CYP20A1: variants seen among roughly 807,000 people sequenced by gnomAD.
CYP20A1 encodes the protein cytochrome P450 family 20 subfamily A member 1, also known as cytochrome P450 20A1.
CYP20A1 carries 61 observed loss-of-function variants against 61.4 expected under a neutral mutation model. The ratio of observed to expected loss-of-function variants is 0.99; its 90% CI spans 0.81 to 1.23. The LOEUF is 1.23. CYP20A1 is among the 50% of genes most tolerant of loss of function. CYP20A1 has a pLI of 0.00. For synonymous variants in CYP20A1, 193 were observed against 188.2 expected (o/e 1.03, Z -0.21); for missense variants, 530 against 542.4 (o/e 0.98, Z 0.23).
intron 4 of CYP20A1, 95 bp downstream of exon 4, chr2:203,252,204 C>A: frequency 1.1e-6 from 1 of 923,924 alleles, no homozygotes; most frequent in South Asian, 3.4e-5. Context: ...TTACTCTTTT[C>A]TTTCCTGTCC....
At chr2:203,288,193 G>A (rs1215496457) in intron 9 of CYP20A1, among the ~76,000 whole-genome samples, 2 of 149,770 alleles carry the variant, frequency 1.3e-5, no homozygotes, top group Non-Finnish European at 1.5e-5. Context: ...AGCTTTCCAA[G>A]TAGTTGGAAT....
intron 9 of CYP20A1, among the ~76,000 whole-genome samples, chr2:203,287,986 G>A (rs1220098617): frequency 7.3e-6 from 1 of 137,672 alleles, no homozygotes; most frequent in Admixed American, 7.3e-5. Context: ...GTGGTGGTTT[G>A]AGTTTTTCTT....
chr2:203,289,533 T>C (rs1321241195), intron 9 of CYP20A1, among the ~76,000 whole-genome samples: 1 of 151,964 alleles, frequency 6.6e-6, no homozygotes, highest in African/African-American at 2.4e-5. Context: ...CCTAGAGTTA[T>C]ATACAGATTT....
chr2:203,245,820 A>G, intron 1 of CYP20A1, 26 bp from the exon 2 acceptor site: 1 of 1,493,356 alleles, frequency 6.7e-7, no homozygotes. Context: ...ATGATAATTC[A>G]TTATTATAAA....
Position 203,255,831 on chromosome 2 carries a change from C to A in CYP20A1, c.432+3722C>A, listed in dbSNP as rs536826462. Among the ~76,000 whole-genome samples, 5 of 152,282 alleles carry A rather than the reference C, an allele frequency of 3.3e-5. No individual in the cohort carries two copies. In the South Asian group the frequency reaches 1.0e-3, roughly 32 times the overall value. ...GGGCCTGTCTATGCTATTCCCATTG[C>A]GTGGAATGCACCTCCAGTCATCCAC... is the stretch of plus-strand genomic sequence containing the variant. On this transcript the variant is annotated intron_variant, in intron 4 of 12. Transcript: ENST00000356079.
At chr2:203,243,590 G>A (rs2066338143) in intron 1 of CYP20A1, among the ~76,000 whole-genome samples, 1 of 151,628 alleles carries the variant, frequency 6.6e-6, no homozygotes, top group South Asian at 2.1e-4. Context: ...CAACATGTAT[G>A]CCAGGCTGAT....
chr2:203,282,878 T>G (rs915591736), intron 8 of CYP20A1, among the ~76,000 whole-genome samples: 1 of 152,212 alleles, frequency 6.6e-6, no homozygotes, highest in Non-Finnish European at 1.5e-5. Context: ...TCTGATTCAG[T>G]ATTGTATTTA....
intron 4 of CYP20A1, among the ~76,000 whole-genome samples, chr2:203,264,523 T>C (rs2067253228): frequency 1.3e-5 from 2 of 152,128 alleles, no homozygotes; most frequent in Admixed American, 6.5e-5. Flanking sequence ...CTCTCTGTCA[T>C]CATAATTGGA....
At chr2:203,245,202 A>G (rs1044781150) in intron 1 of CYP20A1, among the ~76,000 whole-genome samples, 1 of 149,518 alleles carries the variant, frequency 6.7e-6, no homozygotes, top group Non-Finnish European at 1.5e-5. Context: ...AATTTTTTAT[A>G]TTTTTAGTAG....
Position 203,300,891 on chromosome 2 carries a change from G to GAA in CYP20A1, c.*4004_*4005dup, listed in dbSNP as rs1163039964. On this transcript the variant is annotated 3_prime_UTR_variant, in exon 13 of 13. Transcript: ENST00000356079. ...GCAATAAGAGCAAAACTCCGTCTCAGAAAAAAAAAAAAAAAAAAAAAACGG... is the reference window on the plus strand; with the variant it reads ...GCAATAAGAGCAAAACTCCGTCTCAGAAAAAAAAAAAAAAAAAAAAAAAACGG... 4.9e-4 allele frequency among the ~76,000 whole-genome samples: 18 copies of GAA among 36,972 alleles called. No individual in the cohort carries two copies. Among genetic ancestry groups the GAA allele is most frequent in the East Asian group, 1.9e-3 (2 of 1,066 alleles). The allele number at this position is 36,972 out of a possible 152,430, so 24.3% of individuals were successfully genotyped here.
chr2:203,301,928 T>G lies in CYP20A1; in HGVS notation c.*5020T>G, dbSNP rs975972537. ...CTGTTAAGATTCTTTTTTTTTTTTT[T>G]TTTTTTTTGTTTTGAGACTGAGTCC... On this transcript the variant is annotated 3_prime_UTR_variant, in exon 13 of 13. Coordinates refer to ENST00000356079, the MANE Select transcript of CYP20A1 (RefSeq NM_177538.3). 1.4e-5 allele frequency among the ~76,000 whole-genome samples: 2 copies of G among 144,836 alleles called. No homozygotes were observed. The highest frequency in any genetic ancestry group is 3.0e-5 in the Non-Finnish European group (2 of 66,112).
chr2:203,296,877 A>C lies in CYP20A1; in HGVS notation c.1358A>C (p.Glu453Ala). ...KYELVTSSREEAWITVSKRY is the reference protein window; with the variant it reads ...KYELVTSSREAAWITVSKRY ...GAACTGGTAACATCATCAAGGGAAG[A>C]AGCTTGGATCACTGTCTCAAAGAGA... The change falls in exon 13 of 13, where the codon GAA (glutamate) becomes GCA (alanine). Residue 453 changes from glutamate to alanine, a missense_variant. Glu to Ala is a moderately radical substitution (Grantham distance 107). Coordinates refer to ENST00000356079, the MANE Select transcript of CYP20A1 (RefSeq NM_177538.3). The C allele has an allele frequency of 6.2e-7, 1 of 1,602,620 alleles. No homozygotes were observed. Among genetic ancestry groups the C allele is most frequent in the African/African-American group, 1.3e-5 (1 of 74,436 alleles).
rs6435182 is a variant in CYP20A1, at chr2:203,304,551, G to T, written c.*7643G>T. On this transcript the variant is annotated 3_prime_UTR_variant, in exon 13 of 13. Coordinates refer to ENST00000356079, the MANE Select transcript of CYP20A1 (RefSeq NM_177538.3). ...ATGCTACCAACCTAAACACATTTCTGTGACTGTTTATATTTTTCCCTGTTC... is the reference window on the plus strand; with the variant it reads ...ATGCTACCAACCTAAACACATTTCTTTGACTGTTTATATTTTTCCCTGTTC... Among the ~76,000 whole-genome samples, 1 of 151,810 alleles carries T rather than the reference G, an allele frequency of 6.6e-6. No individual in the cohort carries two copies. The highest frequency in any genetic ancestry group is 2.4e-5 in the African/African-American group (1 of 41,216).
At chr2:203,253,706 A>G (rs2066786009) in intron 4 of CYP20A1, among the ~76,000 whole-genome samples, 1 of 152,218 alleles carries the variant, frequency 6.6e-6, no homozygotes, top group Non-Finnish European at 1.5e-5. Flanking sequence ...TGAAAGAAAA[A>G]CAAGAACTGG....
chr2:203,275,691 C>T (rs565235434), intron 6 of CYP20A1, among the ~76,000 whole-genome samples: 3 of 152,304 alleles, frequency 2.0e-5, no homozygotes, highest in South Asian at 2.1e-4. Flanking sequence ...CCACCCACCT[C>T]GGCCTCCCAA....
intron 3 of CYP20A1, among the ~76,000 whole-genome samples, chr2:203,249,329 A>G (rs1193016074): frequency 6.6e-6 from 1 of 152,154 alleles, no homozygotes; most frequent in Non-Finnish European, 1.5e-5. Context: ...AGTCTGGGAG[A>G]CACATTGAGA....
rs1211733651 is a variant in CYP20A1 at position 203,302,376 on chromosome 2, A to T, written c.*5468A>T. On this transcript the variant is annotated 3_prime_UTR_variant, in exon 13 of 13. Transcript: ENST00000356079. ...GGCAAAAGCTTGTTTCTATAAAAAAATATAAAAACTTAGCCAGCCTTGGTG... is the reference window on the plus strand; with the variant it reads ...GGCAAAAGCTTGTTTCTATAAAAAATTATAAAAACTTAGCCAGCCTTGGTG... Among the ~76,000 whole-genome samples the T allele has an allele frequency of 6.6e-6, 1 of 152,154 alleles. No individual in the cohort carries two copies. The highest frequency in any genetic ancestry group is 1.5e-5 in the Non-Finnish European group (1 of 68,030).
intron 8 of CYP20A1, among the ~76,000 whole-genome samples, chr2:203,284,178 G>A (rs112923750): frequency 0.04 from 6,123 of 152,146 alleles, 174 homozygotes; most frequent in Non-Finnish European, 0.06. Flanking sequence ...TTGGTAATAA[G>A]GTGAATCAGG....
intron 6 of CYP20A1, among the ~76,000 whole-genome samples, chr2:203,272,960 C>T (rs1228363668): frequency 2.6e-5 from 4 of 151,776 alleles, no homozygotes; most frequent in African/African-American, 7.3e-5. Context: ...AATTCTCCTG[C>T]CTCAGCCTCC....
Sources: gnomAD v4.1 joint callset for allele counts (sites outside exome capture counted in the v4.1 genomes callset) on GRCh38, gnomAD v4.1.1 for gene constraint, MANE v1.5 for transcripts, NCBI Gene and HGNC (gene_info 2026-07-23, HGNC 2026-07-21) for gene names.